ANKRD29: variants seen among roughly 807,000 people sequenced by gnomAD.
ANKRD29 encodes the protein ankyrin repeat domain 29.
ANKRD29 carries 32 observed loss-of-function variants against 38.0 expected under a neutral mutation model. The observed-to-expected ratio is 0.84, with a 90% CI of 0.64 to 1.13. The LOEUF (loss-of-function observed/expected upper bound fraction) is 1.13, where lower values mean the gene tolerates loss of function less well. Among genes scored for constraint, ANKRD29 ranks in the 50% most tolerant of loss-of-function variants. The pLI is 0.00. For missense variants in ANKRD29, 357 were observed against 377.9 expected (o/e 0.94, Z 0.46); for synonymous variants, 135 against 152.4 (o/e 0.89, Z 0.84).
intron 1 of ANKRD29, among the ~76,000 whole-genome samples, chr18:23,651,931 G>T (rs542689755): frequency 6.6e-6 from 1 of 152,216 alleles, no homozygotes; most frequent in African/African-American, 2.4e-5. Context: ...GTCTGTGATT[G>T]TATGTGCAGG....
intron 8 of ANKRD29, among the ~76,000 whole-genome samples, chr18:23,615,024 T>G (rs1047945848): frequency 1.3e-5 from 2 of 152,150 alleles, no homozygotes; most frequent in Non-Finnish European, 2.9e-5. Context: ...GGCTTCTACT[T>G]TTAAAAATTT....
intron 5 of ANKRD29, among the ~76,000 whole-genome samples, 158 bp from the exon 6 acceptor site, chr18:23,630,109 T>G (rs2059910812): frequency 6.6e-6 from 1 of 151,548 alleles, no homozygotes; most frequent in Non-Finnish European, 1.5e-5. Flanking sequence ...GCCAATATGG[T>G]GAAATCCCGT....
chr18:23,642,776 C>T (rs2060094182), intron 3 of ANKRD29, among the ~76,000 whole-genome samples: 1 of 152,214 alleles, frequency 6.6e-6, no homozygotes. Flanking sequence ...TGGGGCCCTG[C>T]ATGCACAGTT....
chr18:23,633,605 A>G (rs1788790), intron 5 of ANKRD29, among the ~76,000 whole-genome samples: 84,269 of 151,932 alleles, frequency 0.55, 25,368 homozygotes, highest in Admixed American at 0.69. Flanking sequence ...GAGTCTCACT[A>G]TGTCACCCAG....
At chr18:23,615,846 A>G (rs1443179437) in intron 8 of ANKRD29, among the ~76,000 whole-genome samples, 5 of 149,760 alleles carry the variant, frequency 3.3e-5, no homozygotes, top group African/African-American at 1.2e-4. Context: ...ATTTCAGTAA[A>G]TATTACTAGA....
chr18:23,611,693 A>G (rs1330232147), intron 9 of ANKRD29, among the ~76,000 whole-genome samples: 2 of 151,974 alleles, frequency 1.3e-5, no homozygotes, highest in African/African-American at 4.8e-5. Flanking sequence ...TCAAAGAAAA[A>G]AAGAAAACCA....
chr18:23,623,096 G>C (rs951549296), intron 6 of ANKRD29, among the ~76,000 whole-genome samples: 9 of 152,210 alleles, frequency 5.9e-5, no homozygotes, highest in African/African-American at 1.9e-4. Flanking sequence ...CTGGCTCACA[G>C]ATGCTTAGGA....
intron 6 of ANKRD29, among the ~76,000 whole-genome samples, chr18:23,623,291 C>T (rs2059818757): frequency 6.6e-6 from 1 of 152,106 alleles, no homozygotes; most frequent in South Asian, 2.1e-4. Context: ...CTGTGTATTT[C>T]ATTACTAGTC....
Position 23,662,828 on chromosome 18 carries a change from A to AG in ANKRD29, c.-99dup. The AG allele has an allele frequency of 8.9e-7, 1 of 1,129,278 alleles. No individual in the cohort carries two copies. Among genetic ancestry groups the AG allele is most frequent in the Non-Finnish European group, 1.1e-6 (1 of 911,242 alleles). The allele number at this position is 1,129,278 out of a possible 1,614,324, so 70.0% of individuals were successfully genotyped here. A position where few individuals can be genotyped will look rare whatever the true frequency, so the allele number is the denominator to read the frequency against. ...TCCCGGGGCTCTCGGCGTTCCGCAG[A>AG]GGGGCGGCCTCCGACGCCGCGCGCT... On this transcript the variant is annotated 5_prime_UTR_variant, in exon 1 of 10. Coordinates refer to ENST00000592179, the MANE Select transcript of ANKRD29 (RefSeq NM_173505.4).
intron 1 of ANKRD29, among the ~76,000 whole-genome samples, chr18:23,659,923 C>T (rs560934752): frequency 1.3e-5 from 2 of 151,852 alleles, no homozygotes; most frequent in African/African-American, 4.8e-5. Context: ...CCAGCCTGGC[C>T]AACATGGTGA....
chr18:23,616,130 A>ATGTATACTCTATACATAC (rs2059713176), intron 8 of ANKRD29, among the ~76,000 whole-genome samples: 1 of 129,082 alleles, frequency 7.7e-6, no homozygotes, highest in African/African-American at 3.0e-5. Context: ...TACCGTATGT[A>ATGTATACTCTATACATAC]TGTATGTATA....
chr18:23,609,338 T>G (rs900067930), intron 9 of ANKRD29: 4 of 152,100 alleles, frequency 2.6e-5, no homozygotes, highest in African/African-American at 7.2e-5. Flanking sequence ...CCCCCTATGA[T>G]TCCATCTCCA....
At position 23,612,146 on chromosome 18, in the gene ANKRD29, A is replaced by C; in HGVS notation, c.768T>G (p.Ile256Met). 1 of 1,614,028 alleles carries C rather than the reference A, an allele frequency of 6.2e-7. No homozygotes were observed. Among genetic ancestry groups the C allele is most frequent in the East Asian group, 2.2e-5 (1 of 44,878 alleles). Reference protein sequence around the residue: ...ALHAAVLSGNIKTVALLLEAG... With the variant: ...ALHAAVLSGNMKTVALLLEAG... ...CTTCTAGGAGCAGCGCAACTGTTTT[A>C]ATGTTTCCACTGAGCACTGCTGCAT... Residue 256 changes from isoleucine to methionine, a missense_variant, in exon 9 of 10, where the codon ATT becomes ATG. Transcript: ENST00000592179.
chr18:23,636,862 A>G (rs1469355112), intron 4 of ANKRD29, among the ~76,000 whole-genome samples: 2 of 152,184 alleles, frequency 1.3e-5, no homozygotes, highest in Non-Finnish European at 2.9e-5. Context: ...CACCATGCCC[A>G]GCCTCTTTTA....
At chr18:23,632,238 CT>C (rs960791879) in intron 5 of ANKRD29, among the ~76,000 whole-genome samples, 12 of 151,986 alleles carry the variant, frequency 7.9e-5, no homozygotes, top group African/African-American at 2.9e-4. Flanking sequence ...TTTTCTTTTT[CT>C]TTTTTTAATT....
At position 23,617,761 on chromosome 18, in the gene ANKRD29, T is replaced by C. The variant is rs1363810299; in HGVS notation, c.694A>G (p.Lys232Glu). 1.2e-6 allele frequency: 2 copies of C among 1,614,118 alleles called. No individual in the cohort carries two copies. Among genetic ancestry groups the C allele is most frequent in the Admixed American group, 3.3e-5 (2 of 60,026 alleles). Residue 232 changes from lysine (K) to glutamate (E), a missense_variant, in exon 8 of 10, where the codon AAA (lysine) becomes GAA (glutamate). Transcript: ENST00000592179. ...GYNDVIKELL[K>E]FSPTLGILKN... ...AAAATACCAAGAGTGGGTGAGAATTTAAGCAACTCTTTTATGACATCATTA... is the reference window on the plus strand; with the variant it reads ...AAAATACCAAGAGTGGGTGAGAATTCAAGCAACTCTTTTATGACATCATTA...
chr18:23,630,595 T>G (rs1381353708), intron 5 of ANKRD29, among the ~76,000 whole-genome samples: 2 of 152,106 alleles, frequency 1.3e-5, no homozygotes, highest in Non-Finnish European at 2.9e-5. Flanking sequence ...CATTCCAGCC[T>G]GGGCAACAGA....
chr18:23,645,546 C>T (rs1224633852), intron 3 of ANKRD29, among the ~76,000 whole-genome samples: 1 of 152,140 alleles, frequency 6.6e-6, no homozygotes, highest in Non-Finnish European at 1.5e-5. Flanking sequence ...TGCACTCCAG[C>T]CTGGGCCACA....
chr18:23,662,612 C>A (rs2060379584), intron 1 of ANKRD29, 98 bp downstream of exon 1: 5 of 407,048 alleles, frequency 1.2e-5, no homozygotes, highest in Non-Finnish European at 2.2e-5. Flanking sequence ...CAGCGGGCAG[C>A]GCCCACCCCA....
Sources: allele counts gnomAD v4.1 joint callset (sites outside exome capture counted in the v4.1 genomes callset), GRCh38; gene constraint gnomAD v4.1.1; transcripts MANE v1.5; gene names NCBI Gene and HGNC (gene_info 2026-07-23, HGNC 2026-07-21).